Variants in CA10 observed in about 807,000 individuals in gnomAD.
CA10 encodes carbonic anhydrase 10 (inactive).
In CA10, 14 loss-of-function variants were observed where a neutral mutation model predicts 44.2. The ratio of observed to expected loss-of-function variants is 0.32; its 90% CI spans 0.21 to 0.50. The LOEUF is 0.50. CA10 is among the 20% of genes least tolerant of loss of function. The pLI, the probability that CA10 is intolerant of heterozygous loss-of-function variation, is 0.99. For synonymous variants in CA10, 159 were observed against 141.6 expected (o/e 1.12, Z -0.87); for missense variants, 350 against 409.7 (o/e 0.85, Z 1.26).
At chr17:51,873,028 T>C (rs1387239452) in intron 3 of CA10, among the ~76,000 whole-genome samples, 1 of 152,226 alleles carries the variant, frequency 6.6e-6, no homozygotes. Context: ...GAGTTCAATG[T>C]GCTGTAGGAG....
intron 3 of CA10, among the ~76,000 whole-genome samples, chr17:51,770,737 T>G (rs1364723853): frequency 6.6e-6 from 1 of 151,984 alleles, no homozygotes; most frequent in African/African-American, 2.4e-5. Flanking sequence ...GGGCCTTTAT[T>G]CATGGTGGAG....
chr17:52,084,179 G>T (rs1001022433), intron 1 of CA10, among the ~76,000 whole-genome samples: 1 of 152,158 alleles, frequency 6.6e-6, no homozygotes, highest in Non-Finnish European at 1.5e-5. Flanking sequence ...TGTGGTCTTC[G>T]CTGGGACAAA....
intron 3 of CA10, among the ~76,000 whole-genome samples, chr17:51,807,868 A>G (rs1267497405): frequency 6.6e-6 from 1 of 152,244 alleles, no homozygotes; most frequent in Admixed American, 6.5e-5. Flanking sequence ...GGGGAACATT[A>G]GTGGAACCTT....
At chr17:51,642,865 A>G (rs1300397649) in intron 6 of CA10, among the ~76,000 whole-genome samples, 2 of 151,190 alleles carry the variant, frequency 1.3e-5, no homozygotes, top group African/African-American at 4.9e-5. Flanking sequence ...CTCGTCTTGA[A>G]CTCCTGACTT....
chr17:51,750,477 T>C (rs1398965088), intron 3 of CA10, among the ~76,000 whole-genome samples: 2 of 149,508 alleles, frequency 1.3e-5, no homozygotes, highest in African/African-American at 4.9e-5. Context: ...GTTTAGCTGA[T>C]TGTTGAATCT....
At chr17:51,829,281 C>T (rs1908142059) in intron 3 of CA10, among the ~76,000 whole-genome samples, 1 of 152,148 alleles carries the variant, frequency 6.6e-6, no homozygotes. Context: ...GCAGTTTCCT[C>T]CTTTAATTTT....
chr17:52,077,797 C>G (rs1987856029), intron 1 of CA10, among the ~76,000 whole-genome samples: 1 of 152,154 alleles, frequency 6.6e-6, no homozygotes, highest in South Asian at 2.1e-4. Flanking sequence ...GAATATTTCC[C>G]TCTCTCCACC....
chr17:51,712,661 T>C (rs754282650), intron 4 of CA10, among the ~76,000 whole-genome samples: 4 of 152,196 alleles, frequency 2.6e-5, no homozygotes, highest in African/African-American at 7.2e-5. Context: ...GCCAGGCACA[T>C]TGAGAATGAG....
At chr17:52,058,726 A>G (rs1199502971) in intron 2 of CA10, among the ~76,000 whole-genome samples, 1 of 152,206 alleles carries the variant, frequency 6.6e-6, no homozygotes, top group African/African-American at 2.4e-5. Flanking sequence ...CTATGTCAAG[A>G]GAAGCCTTCA....
chr17:51,636,775 T>TTTTGTGTG (rs1555577668), intron 6 of CA10, among the ~76,000 whole-genome samples: 1 of 146,512 alleles, frequency 6.8e-6, no homozygotes, highest in Non-Finnish European at 1.5e-5. Context: ...ACTGATTATT[T>TTTTGTGTG]TGTGTGTGTG....
chr17:51,658,832 C>G (rs890499466), intron 4 of CA10, among the ~76,000 whole-genome samples: 8 of 152,198 alleles, frequency 5.3e-5, no homozygotes, highest in African/African-American at 1.9e-4. Context: ...CATAGTTCAG[C>G]TGGGATTGTG....
intron 3 of CA10, among the ~76,000 whole-genome samples, chr17:51,771,215 C>G (rs1373433160): frequency 6.6e-6 from 1 of 151,822 alleles, no homozygotes; most frequent in East Asian, 1.9e-4. Context: ...AGGGATCCAC[C>G]CCTATGATCC....
intron 3 of CA10, among the ~76,000 whole-genome samples, chr17:51,799,439 A>G (rs1357470799): frequency 6.6e-6 from 1 of 152,102 alleles, no homozygotes; most frequent in East Asian, 1.9e-4. Flanking sequence ...TGGCTGATCT[A>G]GCATGGTCTT....
intron 4 of CA10, among the ~76,000 whole-genome samples, chr17:51,708,639 G>A (rs918026446): frequency 3.3e-5 from 5 of 152,150 alleles, no homozygotes; most frequent in African/African-American, 1.2e-4. Flanking sequence ...GTTGCCAAAG[G>A]AGATTAACAT....
chr17:51,905,981 G>A (rs1209731954), intron 3 of CA10, among the ~76,000 whole-genome samples: 1 of 152,030 alleles, frequency 6.6e-6, no homozygotes, highest in East Asian at 1.9e-4. Context: ...TCACCTGCTG[G>A]TGGCCAGCAC....
rs1172364512 is a variant in CA10 at position 51,646,648 on chromosome 17, G to A, written c.634+2534C>T. ...TGGAAAGCCTCGGGAGGGACTTCCAGTCTTATGTTTCCCACCCACTGGCTG... is the reference window on the plus strand; with the variant it reads ...TGGAAAGCCTCGGGAGGGACTTCCAATCTTATGTTTCCCACCCACTGGCTG... On this transcript the variant is annotated intron_variant, in intron 6 of 8. Transcript: ENST00000451037. Among the ~76,000 whole-genome samples the A allele has an allele frequency of 2.0e-5, 3 of 152,308 alleles. 1 individual carries two copies. The highest frequency in any genetic ancestry group is 2.0e-4 in the Admixed American group (3 of 15,298).
intron 2 of CA10, among the ~76,000 whole-genome samples, chr17:51,969,719 T>A (rs1230610342): frequency 6.6e-6 from 1 of 151,864 alleles, no homozygotes; most frequent in Non-Finnish European, 1.5e-5. Flanking sequence ...TGTTAAGCAA[T>A]GGAGATTAGA....
At chr17:51,979,923 T>TTCTTTATCC (rs1984594203) in intron 2 of CA10, among the ~76,000 whole-genome samples, 1 of 152,192 alleles carries the variant, frequency 6.6e-6, no homozygotes, top group Non-Finnish European at 1.5e-5. Context: ...AATCTGTCAT[T>TTCTTTATCC]GATGGGCATT....
chr17:51,653,499 G>A, intron 5 of CA10, 142 bp downstream of exon 5: 1 of 606,010 alleles, frequency 1.7e-6, no homozygotes. Context: ...TAAATCTCAT[G>A]TATATAAAAG....
Sources: gnomAD v4.1 joint callset for allele counts (sites outside exome capture counted in the v4.1 genomes callset) on GRCh38, gnomAD v4.1.1 for gene constraint, MANE v1.5 for transcripts, NCBI Gene and HGNC (gene_info 2026-07-23, HGNC 2026-07-21) for gene names.